The following NLRP2 variants were observed in gnomAD, a reference collection of about 807,000 sequenced individuals.
NLRP2 encodes NLR family pyrin domain containing 2.
Under a neutral mutation model 97.2 loss-of-function variants are expected in NLRP2, and 107 were observed. The observed-to-expected ratio is 1.10, with a 90% CI of 0.94 to 1.29. NLRP2 has a LOEUF of 1.29. Among genes scored for constraint, NLRP2 ranks in the 50% most tolerant of loss-of-function variants. The probability of loss-of-function intolerance (pLI) is 0.00; values close to 1 mark genes in which losing one functional copy is unlikely to be tolerated. For synonymous variants in NLRP2, 663 were observed against 551.5 expected (o/e 1.20, Z -2.83); for missense variants, 1,495 against 1,330.3 (o/e 1.12, Z -1.93).
rs778429134 is a variant in NLRP2, at chr19:54,990,662, C to G, written c.2698C>G (p.Gln900Glu). 9.3e-6 allele frequency: 15 copies of G among 1,613,990 alleles called. No homozygotes were observed. Among genetic ancestry groups the G allele is most frequent in the African/African-American group, 1.3e-5 (1 of 74,906 alleles). ...CTTGAGGTACCCCGAGTGTAAACTG[C>G]AGACCTTGGTGTAAGTCCGTGCTGG... Reference protein sequence around the residue: ...EGLRYPECKLQTLVLWNCDIT... With the variant: ...EGLRYPECKLETLVLWNCDIT... The change falls in exon 10 of 13, where the codon CAG becomes GAG. Residue 900 changes from glutamine to glutamate, a missense_variant. Transcript: ENST00000448584.
At chr19:54,977,063 T>G (rs2071285248) in intron 3 of NLRP2, 1 of 301,640 alleles carries the variant, frequency 3.3e-6, no homozygotes, top group Non-Finnish European at 6.4e-6. Flanking sequence ...TCCGCCTGCC[T>G]TGGCCTCCCA....
Position 54,968,701 on chromosome 19 carries a change from C to CTTTTTTTTTTT in NLRP2, c.-17-1296_-17-1286dup, listed in dbSNP as rs61212213. On this transcript the variant is annotated intron_variant, in intron 1 of 12. Transcript: ENST00000448584. Reference sequence around the variant, plus strand: ...CTCCACCACTAAGTTATCTTTAAGCCTTTTTTTTTTTTGAGACAGTTTCAC... The same window carrying CTTTTTTTTTTT: ...CTCCACCACTAAGTTATCTTTAAGCCTTTTTTTTTTTTTTTTTTTTTTTGAGACAGTTTCAC... 5.1e-3 allele frequency among the ~76,000 whole-genome samples: 582 copies of CTTTTTTTTTTT among 114,284 alleles called. 24 individuals carry two copies. The highest frequency in any genetic ancestry group is 8.8e-3 in the Middle Eastern group (2 of 226). 75.0% of individuals were successfully genotyped at this position (114,284 alleles called of 152,430 possible).
intron 12 of NLRP2, among the ~76,000 whole-genome samples, chr19:54,999,797 C>T (rs2073078278): frequency 6.6e-6 from 1 of 151,998 alleles, no homozygotes; most frequent in Non-Finnish European, 1.5e-5. Context: ...AGTGCAGGGG[C>T]CCGATCTCAG....
At chr19:54,981,840 G>A (rs562241857) in intron 5 of NLRP2, among the ~76,000 whole-genome samples, 158 bp downstream of exon 5, 3 of 152,094 alleles carry the variant, frequency 2.0e-5, no homozygotes, top group Non-Finnish European at 2.9e-5. Flanking sequence ...GTGCCGTGGC[G>A]TGATCTCGAC....
Position 54,997,346 on chromosome 19 carries a change from G to C in NLRP2, c.2909G>C (p.Ser970Thr), listed in dbSNP as rs139002081. The change falls in exon 12 of 13, where the codon AGT becomes ACT. Residue 970 changes from serine to threonine, a missense_variant. Physicochemically the swap from Ser to Thr is moderately conservative, Grantham distance 58 (BLOSUM62 1). Transcript: ENST00000448584. The part of the protein sequence containing the change: ...WLWGCSIPPF[S>T]CEDLCSALSC... ...TGGGGATGTTCCATCCCTCCGTTCA[G>C]TTGTGAAGACCTCTGCTCTGCCCTC... 4.3e-5 allele frequency: 70 copies of C among 1,614,062 alleles called. No individual in the cohort carries two copies. In the African/African-American group the frequency reaches 9.1e-4, roughly 21 times the overall value.
chr19:54,983,100 G>T lies in NLRP2; in HGVS notation c.1402G>T (p.Glu468Ter), dbSNP rs758484350. The T allele has an allele frequency of 6.2e-7, 1 of 1,613,400 alleles. No individual in the cohort carries two copies. The highest frequency in any genetic ancestry group is 8.5e-7 in the Non-Finnish European group (1 of 1,179,982). ...LWAQTSVLHR[E>*]DLERLGVQES... Reference sequence around the variant, plus strand: ...GGCGCAGACGTCCGTGCTTCACCGAGAGGATCTGGAAAGGCTCGGGGTGCA... The same window carrying T: ...GGCGCAGACGTCCGTGCTTCACCGATAGGATCTGGAAAGGCTCGGGGTGCA... The change falls in exon 6 of 13, where the codon GAG becomes TAG. Residue 468 changes from glutamate (E) to a stop codon, truncating the protein, a stop_gained. Transcript: ENST00000448584. LOFTEE classifies it high-confidence loss of function.
At chr19:54,985,747 G>A (rs936518743) in intron 7 of NLRP2, among the ~76,000 whole-genome samples, 1 of 150,468 alleles carries the variant, frequency 6.6e-6, no homozygotes, top group African/African-American at 2.5e-5. Flanking sequence ...TGTAGTCCCA[G>A]CACTTTGGGG....
chr19:54,975,540 C>T (rs1172581578), intron 3 of NLRP2, among the ~76,000 whole-genome samples: 1 of 146,008 alleles, frequency 6.8e-6, no homozygotes, highest in Non-Finnish European at 1.5e-5. Context: ...CAAGCTCCGC[C>T]TCCCGGGTTC....
Position 54,977,831 on chromosome 19 carries a change from T to C in NLRP2, c.397+8T>C. ...TCAAAACAGAAGCACAAGGTGGGTG[T>C]CAGGACCTCCAATGTTGGAGTCAGC... is the stretch of plus-strand genomic sequence containing the variant. On this transcript the variant is annotated splice_region_variant and intron_variant, in intron 4 of 12. Coordinates refer to ENST00000448584, the MANE Select transcript of NLRP2 (RefSeq NM_017852.5). 2.5e-6 allele frequency: 4 copies of C among 1,613,344 alleles called. No homozygotes were observed. Among genetic ancestry groups the C allele is most frequent in the Non-Finnish European group, 3.4e-6 (4 of 1,179,816 alleles).
chr19:54,973,038 A>G (rs1331042152), intron 2 of NLRP2, among the ~76,000 whole-genome samples: 1 of 152,036 alleles, frequency 6.6e-6, no homozygotes, highest in East Asian at 1.9e-4. Flanking sequence ...AAAATATAAA[A>G]AAATCAGCCG....
intron 11 of NLRP2, among the ~76,000 whole-genome samples, chr19:54,996,858 CT>C (rs2072853923): frequency 1.3e-5 from 2 of 152,116 alleles, no homozygotes; most frequent in Admixed American, 1.3e-4. Flanking sequence ...TTCAGAACCC[CT>C]CATCGCCTCC....
At position 54,986,333 on chromosome 19, in the gene NLRP2, T is replaced by A. The variant is rs772176138; in HGVS notation, c.2366+18T>A. 3 of 1,608,654 alleles carry A rather than the reference T, an allele frequency of 1.9e-6. No homozygotes were observed. The highest frequency in any genetic ancestry group is 8.5e-7 in the Non-Finnish European group (1 of 1,175,088). On this transcript the variant is annotated intron_variant, in intron 8 of 12. Coordinates refer to ENST00000448584, the MANE Select transcript of NLRP2 (RefSeq NM_017852.5). ...TATCTCGGGTATATCTCTTAATCAT[T>A]AAAATCCTTCATCATACAAACATAA...
At chr19:54,983,849 T>G in intron 6 of NLRP2, 121 bp downstream of exon 6, 4 of 1,381,476 alleles carry the variant, frequency 2.9e-6, no homozygotes, top group Non-Finnish European at 4.0e-6. Flanking sequence ...CTTGTTGGAC[T>G]CTTTGTTTGT....
intron 3 of NLRP2, among the ~76,000 whole-genome samples, chr19:54,975,101 G>GTTTTTTTTTTTTTT (rs1190231820): frequency 6.0e-5 from 5 of 83,100 alleles, no homozygotes; most frequent in Admixed American, 1.6e-4. Context: ...ACCACACCCG[G>GTTTTTTTTTTTTTT]TTTTGTTTTT....
At chr19:54,975,597 G>A (rs565971990) in intron 3 of NLRP2, among the ~76,000 whole-genome samples, 328 of 149,494 alleles carry the variant, frequency 2.2e-3, no homozygotes, top group African/African-American at 7.6e-3. Flanking sequence ...GACTACAGGC[G>A]CCCACCACCA....
intron 2 of NLRP2, among the ~76,000 whole-genome samples, chr19:54,973,512 A>AT (rs1463215622): frequency 4.6e-5 from 7 of 151,812 alleles, no homozygotes; most frequent in African/African-American, 1.7e-4. Context: ...AGTAGCTGGG[A>AT]TTACAGGCGC....
rs148120601 is a variant in NLRP2, at chr19:54,983,939, C to T, written c.2030+211C>T. ...GATCTTGGCTCCCTGCAACCTCCGC[C>T]TCCCGGGTTCAAGTGATTCTTCTGC... On this transcript the variant is annotated intron_variant, in intron 6 of 12. Transcript: ENST00000448584. Among the ~76,000 whole-genome samples, 41 of 152,264 alleles carry T rather than the reference C, an allele frequency of 2.7e-4. No homozygotes were observed. The East Asian group carries it at 5.0e-3, about 19-fold the overall frequency.
chr19:54,973,452 T>C (rs2071003652), intron 2 of NLRP2, among the ~76,000 whole-genome samples: 3 of 148,400 alleles, frequency 2.0e-5, no homozygotes, highest in East Asian at 4.2e-4. Context: ...CTCGGCTCAC[T>C]GTGACCTCCT....
At position 54,985,117 on chromosome 19, in the gene NLRP2, C is replaced by A; in HGVS notation, c.2101C>A (p.Leu701Met). 3.1e-6 allele frequency: 5 copies of A among 1,614,056 alleles called. No individual in the cohort carries two copies. Among genetic ancestry groups the A allele is most frequent in the Non-Finnish European group, 4.2e-6 (5 of 1,179,980 alleles). The stretch of plus-strand genomic sequence containing the variant: ...TTCCATATTTGGATCAAATAAGGAT[C>A]TGATGGGTCTAGCAATCAATGATAG... ...LCSIFGSNKDLMGLAINDSFL... is the reference protein window; with the variant it reads ...LCSIFGSNKDMMGLAINDSFL... Residue 701 changes from leucine to methionine, a missense_variant, in exon 7 of 13, where the codon CTG becomes ATG. Coordinates refer to ENST00000448584, the MANE Select transcript of NLRP2 (RefSeq NM_017852.5).
Sources: allele counts gnomAD v4.1 joint callset (sites outside exome capture counted in the v4.1 genomes callset), GRCh38; gene constraint gnomAD v4.1.1; transcripts MANE v1.5; gene names NCBI Gene and HGNC (gene_info 2026-07-23, HGNC 2026-07-21).